The following PPTC7 variants were observed in gnomAD, a reference collection of about 807,000 sequenced individuals.
PPTC7 encodes protein phosphatase PTC7 homolog.
PPTC7 carries 6 observed loss-of-function variants against 30.8 expected under a neutral mutation model. That is an observed-to-expected ratio of 0.19 (90% CI 0.11 to 0.38). The LOEUF is 0.38. Among genes scored for constraint, PPTC7 ranks in the 10% least tolerant of loss-of-function variants. The pLI is 1.00. For missense variants in PPTC7, 218 were observed against 404.8 expected (o/e 0.54, Z 3.96); for synonymous variants, 163 against 168.1 (o/e 0.97, Z 0.23).
At chr12:110,564,646 G>A (rs1035268995) in intron 1 of PPTC7, among the ~76,000 whole-genome samples, 16 of 151,948 alleles carry the variant, frequency 1.1e-4, no homozygotes, top group South Asian at 2.1e-4. Context: ...AGTCACATGC[G>A]GCCTGGCACA....
chr12:110,560,638 A>AT (rs1358229317), intron 1 of PPTC7, among the ~76,000 whole-genome samples: 11 of 152,222 alleles, frequency 7.2e-5, no homozygotes, highest in Non-Finnish European at 2.9e-5. Flanking sequence ...TCAGACTGAC[A>AT]TGCAGTTACC....
At chr12:110,564,826 TAC>T (rs1336336309) in intron 1 of PPTC7, among the ~76,000 whole-genome samples, 1 of 111,910 alleles carries the variant, frequency 8.9e-6, no homozygotes, top group Non-Finnish European at 1.9e-5. Context: ...TGTGTATATA[TAC>T]ATACACGTTA....
intron 1 of PPTC7, among the ~76,000 whole-genome samples, chr12:110,575,910 G>A (rs1001338413): frequency 6.6e-6 from 1 of 152,134 alleles, no homozygotes; most frequent in Admixed American, 6.5e-5. Context: ...ACCTTAATAA[G>A]TAACTTATAA....
At chr12:110,577,848 G>C (rs1006094088) in intron 1 of PPTC7, among the ~76,000 whole-genome samples, 9 of 152,156 alleles carry the variant, frequency 5.9e-5, no homozygotes, top group Admixed American at 5.9e-4. Flanking sequence ...CTGTGGTTTA[G>C]CATGCAGAGG....
At chr12:110,571,034 A>C (rs908588416) in intron 1 of PPTC7, among the ~76,000 whole-genome samples, 3 of 152,270 alleles carry the variant, frequency 2.0e-5, no homozygotes, top group Non-Finnish European at 2.9e-5. Context: ...GCTTTTCTCT[A>C]GGGTGAAGGT....
intron 1 of PPTC7, among the ~76,000 whole-genome samples, chr12:110,557,960 T>C (rs2064403409): frequency 6.6e-6 from 1 of 152,166 alleles, no homozygotes; most frequent in Non-Finnish European, 1.5e-5. Flanking sequence ...AATAGCAGCA[T>C]GAGGGTTTAT....
intron 1 of PPTC7, among the ~76,000 whole-genome samples, chr12:110,568,313 C>T (rs984867564): frequency 8.0e-5 from 12 of 150,782 alleles, no homozygotes; most frequent in Admixed American, 2.6e-4. Flanking sequence ...AGTGCAGTGC[C>T]GCGATCTCGG....
chr12:110,577,489 T>C (rs1421856881), intron 1 of PPTC7, among the ~76,000 whole-genome samples: 1 of 152,066 alleles, frequency 6.6e-6, no homozygotes, highest in Non-Finnish European at 1.5e-5. Flanking sequence ...GTTCTATAAG[T>C]ACATTAAAAT....
At chr12:110,576,759 T>C (rs949505724) in intron 1 of PPTC7, among the ~76,000 whole-genome samples, 3 of 152,194 alleles carry the variant, frequency 2.0e-5, no homozygotes, top group African/African-American at 7.2e-5. Flanking sequence ...AAAAACATTC[T>C]GGAACTAGAT....
chr12:110,553,171 G>A (rs2064361655), intron 1 of PPTC7, among the ~76,000 whole-genome samples: 1 of 143,486 alleles, frequency 7.0e-6, no homozygotes. Flanking sequence ...CAACAAGAGT[G>A]AAACTCCATC....
At chr12:110,550,059 G>A (rs1201675836) in intron 2 of PPTC7, among the ~76,000 whole-genome samples, 1 of 152,066 alleles carries the variant, frequency 6.6e-6, no homozygotes, top group Non-Finnish European at 1.5e-5. Context: ...TATTGAAACT[G>A]CAAGACAAGA....
At chr12:110,545,799 T>G (rs984962387) in intron 3 of PPTC7, 81 bp downstream of exon 3, 1 of 1,242,436 alleles carries the variant, frequency 8.0e-7, no homozygotes, top group African/African-American at 1.5e-5. Context: ...AATGCCTACC[T>G]CACTGCACTC....
chr12:110,568,090 C>G (rs895703799), intron 1 of PPTC7, among the ~76,000 whole-genome samples: 1 of 150,936 alleles, frequency 6.6e-6, no homozygotes, highest in Non-Finnish European at 1.5e-5. Flanking sequence ...TCAACACTGA[C>G]CCCTATGCCG....
intron 2 of PPTC7, chr12:110,546,649 T>C (rs2064308174): frequency 6.3e-6 from 1 of 158,834 alleles, no homozygotes; most frequent in Non-Finnish European, 1.4e-5. Flanking sequence ...GCAGGCAGCT[T>C]GTGGAATCAA....
intron 1 of PPTC7, among the ~76,000 whole-genome samples, chr12:110,576,904 C>A (rs180956672): frequency 6.6e-6 from 1 of 152,172 alleles, no homozygotes; most frequent in African/African-American, 2.4e-5. Flanking sequence ...ACGTGGTTCA[C>A]GCCTGTAATC....
intron 3 of PPTC7, among the ~76,000 whole-genome samples, chr12:110,541,700 C>CA (rs748911395): frequency 0.041 from 2,714 of 65,922 alleles, 84 homozygotes; most frequent in African/African-American, 0.071. Context: ...AACTCCGTCT[C>CA]AAAAAAAAAA....
chr12:110,566,400 G>C (rs1029094123), intron 1 of PPTC7, among the ~76,000 whole-genome samples: 5 of 152,212 alleles, frequency 3.3e-5, no homozygotes, highest in African/African-American at 1.2e-4. Context: ...AGGCTCTGGA[G>C]GCAGATCTGG....
chr12:110,576,016 A>T (rs2135796040), intron 1 of PPTC7, among the ~76,000 whole-genome samples: 1 of 152,202 alleles, frequency 6.6e-6, no homozygotes, highest in East Asian at 1.9e-4. Flanking sequence ...CAACCCTGTA[A>T]TCTTATGTAT....
chr12:110,569,141 T>G (rs1410831936), intron 1 of PPTC7, among the ~76,000 whole-genome samples: 1 of 149,918 alleles, frequency 6.7e-6, no homozygotes, highest in African/African-American at 2.5e-5. Context: ...AAGACCAGCC[T>G]GGCCAACATG....
Sources: gnomAD v4.1 joint callset for allele counts (sites outside exome capture counted in the v4.1 genomes callset) on GRCh38, gnomAD v4.1.1 for gene constraint, MANE v1.5 for transcripts, NCBI Gene and HGNC (gene_info 2026-07-23, HGNC 2026-07-21) for gene names.